Variants in LTBP1 observed in about 807,000 individuals in gnomAD.
LTBP1 encodes latent-transforming growth factor beta-binding protein 1.
In LTBP1, 129 loss-of-function variants were observed where a neutral mutation model predicts 207.6. The ratio of observed to expected loss-of-function variants is 0.62; its 90% confidence interval spans 0.54 to 0.72. The LOEUF (loss-of-function observed/expected upper bound fraction) is 0.72, where lower values mean the gene tolerates loss of function less well. LTBP1 is among the 30% of genes least tolerant of loss of function. LTBP1 has a pLI of 0.00. For missense variants in LTBP1, 2,281 were observed against 2,217.2 expected (o/e 1.03, Z -0.58); for synonymous variants, 963 against 833.7 (o/e 1.16, Z -2.67).
rs548309894 is a variant in LTBP1 at position 33,332,153 on chromosome 2, T to C, written c.3731-10685T>C. 3.3e-5 allele frequency among the ~76,000 whole-genome samples: 5 copies of C among 152,174 alleles called. 1 individual carries two copies. In the South Asian group the frequency reaches 6.2e-4, roughly 19 times the overall value. On this transcript the variant is annotated intron_variant, in intron 24 of 33. Coordinates refer to ENST00000404816, the MANE Select transcript of LTBP1 (RefSeq NM_206943.4). ...TGTTTATTCCTGTTAGGGTGGAATATATATTTATACACAAGCAAAATAATT... is the reference window on the plus strand; with the variant it reads ...TGTTTATTCCTGTTAGGGTGGAATACATATTTATACACAAGCAAAATAATT...
At chr2:33,069,269 C>T (rs1390386224) in intron 3 of LTBP1, among the ~76,000 whole-genome samples, 2 of 152,172 alleles carry the variant, frequency 1.3e-5, no homozygotes, top group South Asian at 2.1e-4. Context: ...GCTCTGTGCA[C>T]TGATGCCTCC....
chr2:33,098,999 G>T (rs2079553533), intron 3 of LTBP1, among the ~76,000 whole-genome samples: 1 of 152,148 alleles, frequency 6.6e-6, no homozygotes, highest in Non-Finnish European at 1.5e-5. Context: ...TACTTGTTCA[G>T]ATTTTGCAGC....
At chr2:33,248,588 T>G (rs2092581955) in intron 10 of LTBP1, among the ~76,000 whole-genome samples, 1 of 118,176 alleles carries the variant, frequency 8.5e-6, no homozygotes, top group Non-Finnish European at 1.8e-5. Context: ...CTCCACGAAT[T>G]TTTTTTTTTT....
chr2:33,012,018 T>A (rs1050023531), intron 2 of LTBP1, among the ~76,000 whole-genome samples: 1 of 152,000 alleles, frequency 6.6e-6, no homozygotes, highest in Non-Finnish European at 1.5e-5. Context: ...TCACCCCCCA[T>A]CAGACACTCC....
At chr2:33,306,846 T>C (rs1321816415) in intron 22 of LTBP1, among the ~76,000 whole-genome samples, 2 of 152,058 alleles carry the variant, frequency 1.3e-5, no homozygotes, top group East Asian at 3.9e-4. Flanking sequence ...TCCCAGCACT[T>C]TGGGAGGCCG....
chr2:33,311,323 C>T lies in LTBP1; in HGVS notation c.3604+1767C>T, dbSNP rs146388166. ...TAAAAATCCCAAGATTTAAATATAC[C>T]ATGTACCTCATTTGAGATCATGTAT... On this transcript the variant is annotated intron_variant, in intron 23 of 33. Transcript: ENST00000404816. Among the ~76,000 whole-genome samples, 417 of 152,122 alleles carry T rather than the reference C, an allele frequency of 2.7e-3. 3 individuals are homozygous for T. The highest frequency in any genetic ancestry group is 9.5e-3 in the African/African-American group (393 of 41,506).
chr2:33,283,061 CAAAA>C (rs201168175), intron 19 of LTBP1, among the ~76,000 whole-genome samples: 4 of 49,470 alleles, frequency 8.1e-5, no homozygotes, highest in East Asian at 6.0e-4. Flanking sequence ...GACTCCATCT[CAAAA>C]AAAAAAAAAA....
chr2:33,190,002 G>A (rs1258903524), intron 7 of LTBP1, among the ~76,000 whole-genome samples: 1 of 152,154 alleles, frequency 6.6e-6, no homozygotes, highest in Non-Finnish European at 1.5e-5. Context: ...GCTCCAGCCT[G>A]GGTGACAGGA....
At chr2:33,130,449 G>A (rs1437419913) in intron 4 of LTBP1, among the ~76,000 whole-genome samples, 1 of 152,182 alleles carries the variant, frequency 6.6e-6, no homozygotes. Flanking sequence ...TTATTTCTCT[G>A]CTTTTGGTCA....
At chr2:33,181,178 G>C (rs2086592313) in intron 5 of LTBP1, among the ~76,000 whole-genome samples, 1 of 152,162 alleles carries the variant, frequency 6.6e-6, no homozygotes, top group South Asian at 2.1e-4. Context: ...TGCCTTTTGG[G>C]AACCAGCAGC....
chr2:32,968,049 C>A (rs1406972238), intron 2 of LTBP1, among the ~76,000 whole-genome samples: 2 of 152,224 alleles, frequency 1.3e-5, no homozygotes, highest in East Asian at 3.9e-4. Context: ...CTCACTGCAA[C>A]CTCTGTCTCC....
At chr2:33,137,977 C>A (rs962709126) in intron 5 of LTBP1, among the ~76,000 whole-genome samples, 20 of 152,164 alleles carry the variant, frequency 1.3e-4, no homozygotes, top group African/African-American at 4.6e-4. Flanking sequence ...AGAGAGAAAG[C>A]AACTGAGAGT....
intron 4 of LTBP1, among the ~76,000 whole-genome samples, chr2:33,115,472 A>G (rs2080689376): frequency 6.6e-6 from 1 of 152,162 alleles, no homozygotes. Context: ...AAACTGAATT[A>G]TACACTTAAG....
intron 31 of LTBP1, among the ~76,000 whole-genome samples, chr2:33,388,287 G>T (rs1869450): frequency 6.6e-6 from 1 of 152,056 alleles, no homozygotes; most frequent in African/African-American, 2.4e-5. Flanking sequence ...GGCCTCAGGA[G>T]GTGAAAACCA....
At chr2:33,277,829 CTTTTTTTT>C (rs199950784) in intron 18 of LTBP1, among the ~76,000 whole-genome samples, 1 of 85,180 alleles carries the variant, frequency 1.2e-5, no homozygotes, top group East Asian at 3.0e-4. Context: ...TTCTTTCTTT[CTTTTTTTT>C]TTTTTTTTTT....
At chr2:33,235,333 A>G (rs951848220) in intron 9 of LTBP1, among the ~76,000 whole-genome samples, 1 of 152,250 alleles carries the variant, frequency 6.6e-6, no homozygotes, top group Non-Finnish European at 1.5e-5. Flanking sequence ...AGAAATGCAA[A>G]TCAAAACCAC....
intron 5 of LTBP1, among the ~76,000 whole-genome samples, chr2:33,171,808 C>A (rs1169899762): frequency 1.8e-4 from 28 of 152,240 alleles, no homozygotes; most frequent in Admixed American, 1.4e-3. Context: ...CAGCGGATCT[C>A]TCGGCAGAAA....
At chr2:33,155,791 T>C (rs72855709) in intron 5 of LTBP1, among the ~76,000 whole-genome samples, 3,817 of 152,348 alleles carry the variant, frequency 0.025, 137 homozygotes, top group African/African-American at 0.087. Context: ...TTTTATATTA[T>C]TTTATGTAGT....
At chr2:33,313,821 A>G (rs1472810939) in intron 23 of LTBP1, among the ~76,000 whole-genome samples, 1 of 152,210 alleles carries the variant, frequency 6.6e-6, no homozygotes, top group Non-Finnish European at 1.5e-5. Context: ...AGAGCTTTTC[A>G]GCTGAGATCG....
Sources: gnomAD v4.1 joint callset for allele counts (sites outside exome capture counted in the v4.1 genomes callset) on GRCh38, gnomAD v4.1.1 for gene constraint, MANE v1.5 for transcripts, NCBI Gene and HGNC (gene_info 2026-07-23, HGNC 2026-07-21) for gene names.